POC1B: variants seen among roughly 807,000 people sequenced by gnomAD.
POC1B encodes the protein POC1 centriolar protein homolog B.
POC1B carries 44 observed loss-of-function variants against 60.6 expected under a neutral mutation model. The observed-to-expected ratio is 0.73, with a 90% CI of 0.57 to 0.93. The LOEUF is 0.93. POC1B is among the 40% of genes least tolerant of loss of function. POC1B has a pLI of 0.00. For synonymous variants in POC1B, 180 were observed against 198.9 expected, an observed-to-expected ratio of 0.90 and a Z score of 0.80; for missense variants, 555 against 572.3, an observed-to-expected ratio of 0.97 and a Z score of 0.31.
intron 2 of POC1B, 41 bp from the exon 3 acceptor site, chr12:89,497,383 T>C (rs1387999670): frequency 6.4e-7 from 1 of 1,563,704 alleles, no homozygotes; most frequent in Admixed American, 1.7e-5. Context: ...TTTGTTAAAA[T>C]GCAAACATAG....
At chr12:89,402,287 C>T in the POC1B span, among the ~76,000 whole-genome samples, 1 of 151,988 alleles carries the variant, frequency 6.6e-6, no homozygotes, top group Admixed American at 6.6e-5. Context: ...GATTAGATTA[C>T]TGCCTAATTC....
At chr12:89,504,667 G>A (rs1345501171) in intron 2 of POC1B, among the ~76,000 whole-genome samples, 2 of 151,940 alleles carry the variant, frequency 1.3e-5, no homozygotes, top group Admixed American at 1.3e-4. Flanking sequence ...ATGATAATTT[G>A]TACTGTGCAA....
At chr12:89,438,439 A>C (rs1881372302) in intron 10 of POC1B, among the ~76,000 whole-genome samples, 1 of 152,274 alleles carries the variant, frequency 6.6e-6, no homozygotes. Context: ...CCTGGGTGAA[A>C]GAGCGAGACT....
chr12:89,425,566 A>C (rs1880728173), intron 10 of POC1B, 187 bp from the exon 11 acceptor site: 1 of 475,504 alleles, frequency 2.1e-6, no homozygotes, highest in African/African-American at 2.0e-5. Context: ...TAATAAGGAA[A>C]CAAAGCTAAC....
chr12:89,487,558 G>A (rs1868706258), intron 4 of POC1B, among the ~76,000 whole-genome samples: 1 of 152,186 alleles, frequency 6.6e-6, no homozygotes, highest in South Asian at 2.1e-4. Context: ...AAGTTCCACA[G>A]AGGCTGAGAG....
chr12:89,445,925 A>G (rs1000670341), intron 10 of POC1B, among the ~76,000 whole-genome samples: 24 of 152,056 alleles, frequency 1.6e-4, no homozygotes, highest in Non-Finnish European at 2.5e-4. Flanking sequence ...AAAACAACCC[A>G]ATCAAAAAAT....
intron 4 of POC1B, among the ~76,000 whole-genome samples, chr12:89,486,903 T>TCACACACACACAGACA (rs1565745626): frequency 6.6e-6 from 1 of 150,594 alleles, no homozygotes; most frequent in Non-Finnish European, 1.5e-5. Context: ...TCTCTCTCTC[T>TCACACACACACAGACA]CACACACACA....
intron 9 of POC1B, among the ~76,000 whole-genome samples, chr12:89,464,050 T>C (rs956690237): frequency 6.6e-6 from 1 of 152,172 alleles, no homozygotes; most frequent in Admixed American, 6.5e-5. Flanking sequence ...AAAACACTCA[T>C]GGTCACTGCA....
chr12:89,412,568 C>T, the POC1B span, among the ~76,000 whole-genome samples: 1 of 150,986 alleles, frequency 6.6e-6, no homozygotes. Flanking sequence ...CCCAGCAATT[C>T]GGGAGGCTGA....
chr12:89,499,935 A>G (rs10858884), intron 2 of POC1B, among the ~76,000 whole-genome samples: 114,862 of 152,226 alleles, frequency 0.75, 43,418 homozygotes, highest in Middle Eastern at 0.82. Flanking sequence ...CACGCCTTCC[A>G]GATCGCAGCT....
chr12:89,472,025 C>T, intron 5 of POC1B, 143 bp downstream of exon 5: 1 of 630,180 alleles, frequency 1.6e-6, no homozygotes, highest in East Asian at 2.9e-5. Flanking sequence ...GCCTCAGCCT[C>T]CCGAAGTGCT....
chr12:89,514,065 G>C (rs1870317937), intron 2 of POC1B, among the ~76,000 whole-genome samples: 1 of 152,096 alleles, frequency 6.6e-6, no homozygotes, highest in African/African-American at 2.4e-5. Context: ...ATATGGTTTG[G>C]ACTTATGACC....
chr12:89,441,355 G>A (rs1276273003), intron 10 of POC1B, among the ~76,000 whole-genome samples: 2 of 152,214 alleles, frequency 1.3e-5, no homozygotes, highest in Non-Finnish European at 2.9e-5. Context: ...CTAACTGGGA[G>A]GTACCTCCCA....
chr12:89,464,469 A>C (rs1882596903), intron 9 of POC1B, among the ~76,000 whole-genome samples: 1 of 130,750 alleles, frequency 7.6e-6, no homozygotes, highest in Admixed American at 7.8e-5. Flanking sequence ...CATAACCTTG[A>C]CTTTTTTATA....
In POC1B at chr12:89,500,659, A is replaced by G. The variant is rs1177744767; in HGVS notation, c.101-3317T>C. The G allele has an allele frequency of 1.9e-6, 3 of 1,562,044 alleles. No individual in the cohort carries two copies. The African/African-American group carries it at 4.1e-5, about 21-fold the overall frequency. ...GAGAGACTTACACTTTTGAAAATTC[A>G]GTAAATATGCTGCCTTCAAGTACAG... is the stretch of plus-strand genomic sequence containing the variant. On this transcript the variant is annotated intron_variant, in intron 2 of 11. Transcript: ENST00000313546.
Position 89,525,921 on chromosome 12 carries a change from C to A in POC1B, c.-26G>T. On this transcript the variant is annotated 5_prime_UTR_variant, in exon 1 of 12. It adds an upstream start codon to the 5' untranslated region. Transcript: ENST00000313546. ...CGGGGGAGTGGTCGGCCCAAGGCTC[C>A]TGTGGGTGGGGGAACCCGGAGAGGG... is the stretch of plus-strand genomic sequence containing the variant. 6.6e-7 allele frequency: 1 copy of A among 1,523,828 alleles called. No homozygotes were observed. The highest frequency in any genetic ancestry group is 8.8e-7 in the Non-Finnish European group (1 of 1,131,996). 94.4% of individuals were successfully genotyped at this position (1,523,828 alleles called of 1,614,324 possible).
At chr12:89,522,019 T>C (rs1439108273) in intron 2 of POC1B, 4 of 398,860 alleles carry the variant, frequency 1.0e-5, no homozygotes, top group Admixed American at 4.4e-5. Context: ...TCTAGTACAT[T>C]CATAACTTAA....
At chr12:89,440,154 A>G (rs1178279798) in intron 10 of POC1B, among the ~76,000 whole-genome samples, 1 of 152,170 alleles carries the variant, frequency 6.6e-6, no homozygotes, top group Non-Finnish European at 1.5e-5. Context: ...ATTTCCCTTC[A>G]TGATGCTAAC....
chr12:89,501,445 C>A, intron 2 of POC1B: 1 of 956,708 alleles, frequency 1.0e-6, no homozygotes. Flanking sequence ...ACATATGTCA[C>A]ATATTACCCA....
Sources: allele counts gnomAD v4.1 joint callset (sites outside exome capture counted in the v4.1 genomes callset), GRCh38; gene constraint gnomAD v4.1.1; transcripts MANE v1.5; gene names NCBI Gene and HGNC (gene_info 2026-07-23, HGNC 2026-07-21).